Variants in TRIML2 observed in about 807,000 individuals in gnomAD.
The protein encoded by TRIML2 is tripartite motif family like 2.
In TRIML2, 28 loss-of-function variants were observed where a neutral mutation model predicts 31.2. That is an observed-to-expected ratio of 0.90 (90% CI 0.66 to 1.23). The LOEUF (loss-of-function observed/expected upper bound fraction) is 1.23. Ranked by LOEUF, TRIML2 falls within the 50% of genes most tolerant of loss-of-function variation. The pLI is 0.00. For missense variants in TRIML2, 536 were observed against 528.3 expected, an observed-to-expected ratio of 1.01 and a Z score of -0.14; for synonymous variants, 187 against 197.5, an observed-to-expected ratio of 0.95 and a Z score of 0.45.
intron 7 of TRIML2, among the ~76,000 whole-genome samples, chr4:188,096,090 T>C (rs1733495452): frequency 1.3e-5 from 2 of 152,216 alleles, no homozygotes. Flanking sequence ...TCATGTTTCA[T>C]GGCTGGGGAA....
In TRIML2 at chr4:188,099,027, C is replaced by T. The variant is rs758070352; in HGVS notation, c.621+8G>A. The T allele has an allele frequency of 6.2e-7, 1 of 1,613,840 alleles. No homozygotes were observed. The highest frequency in any genetic ancestry group is 1.1e-5 in the South Asian group (1 of 91,030). On this transcript the variant is annotated splice_region_variant and intron_variant, in intron 5 of 7. Transcript: ENST00000682553. The stretch of plus-strand genomic sequence containing the variant: ...ATGAATTTTATTTTCTTTTTCCCAG[C>T]ATCTTACCTTGAGCAATGCCAAGGT...
rs975898737 is a variant in TRIML2 at position 188,105,290 on chromosome 4, G to A, written c.79C>T (p.Arg27Trp). 6.2e-6 allele frequency: 10 copies of A among 1,612,258 alleles called. No homozygotes were observed. The highest frequency in any genetic ancestry group is 8.5e-6 in the Non-Finnish European group (10 of 1,178,510). The change falls in exon 2 of 8, where the codon CGG (arginine) becomes TGG (tryptophan). Residue 27 changes from arginine to tryptophan, a missense_variant. Arg to Trp is a moderately radical substitution (Grantham distance 101, BLOSUM62 -3). Coordinates refer to ENST00000682553, the MANE Select transcript of TRIML2 (RefSeq NM_173553.4). ...AYCETHLEPT[R>W]LFCDVDQITL... is the part of the protein sequence containing the mutation. ...ATTTGGTCAACATCACAGAACAGCCGTGTTGGTTCCAGGTGTGTTTCACAA... is the reference window on the plus strand; with the variant it reads ...ATTTGGTCAACATCACAGAACAGCCATGTTGGTTCCAGGTGTGTTTCACAA...
intron 5 of TRIML2, chr4:188,098,079 G>A (rs1341619843): frequency 6.8e-5 from 16 of 234,228 alleles, no homozygotes; most frequent in Non-Finnish European, 1.1e-4. Context: ...CCGAAATTGC[G>A]CCACTGCTCC....
intron 1 of TRIML2, among the ~76,000 whole-genome samples, chr4:188,107,081 C>A (rs1163393128): frequency 8.6e-6 from 1 of 116,536 alleles, no homozygotes; most frequent in Admixed American, 1.0e-4. Context: ...GTGGCACGAT[C>A]TCAGCTCACT....
intron 5 of TRIML2, 49 bp downstream of exon 5, chr4:188,098,985 AT>A: frequency 6.2e-7 from 1 of 1,607,358 alleles, no homozygotes; most frequent in Non-Finnish European, 8.5e-7. Context: ...TCCACTTCTC[AT>A]TTCTCAAATA....
intron 4 of TRIML2, 59 bp downstream of exon 4, chr4:188,100,997 T>C (rs1733760527): frequency 6.8e-6 from 10 of 1,472,736 alleles, no homozygotes; most frequent in Middle Eastern, 1.8e-4. Context: ...ATTGACATAA[T>C]GTTTAGCTCT....
intron 1 of TRIML2, 83 bp downstream of exon 1, chr4:188,109,160 A>ATG (rs1553996996): frequency 6.6e-6 from 1 of 151,660 alleles, no homozygotes; most frequent in South Asian, 2.1e-4. Flanking sequence ...ATACACACAC[A>ATG]CACACATAGA....
chr4:188,102,773 C>T (rs542123024), intron 3 of TRIML2, among the ~76,000 whole-genome samples: 77 of 149,128 alleles, frequency 5.2e-4, no homozygotes, highest in Middle Eastern at 7.1e-3. Flanking sequence ...TGCTTGAACC[C>T]GGGAGGCGGA....
At chr4:188,097,623 A>G (rs12502770) in intron 5 of TRIML2, among the ~76,000 whole-genome samples, 13,501 of 152,146 alleles carry the variant, frequency 0.089, 1,167 homozygotes, top group East Asian at 0.51. Flanking sequence ...AGACGGGAGC[A>G]TCTATCTGCT....
intron 3 of TRIML2, among the ~76,000 whole-genome samples, chr4:188,103,432 C>T (rs1474799760): frequency 2.6e-5 from 4 of 152,070 alleles, no homozygotes; most frequent in African/African-American, 9.7e-5. Context: ...TGAAGGCTGC[C>T]ACCCTAAATG....
chr4:188,098,594 T>C (rs1426221129), intron 5 of TRIML2: 1 of 190,236 alleles, frequency 5.3e-6, no homozygotes, highest in Admixed American at 5.4e-5. Context: ...AGAAAGTCTG[T>C]GAATGTTAGC....
At position 188,097,048 on chromosome 4, in the gene TRIML2, T is replaced by A. The variant is rs370883581; in HGVS notation, c.745+13A>T. The A allele has an allele frequency of 1.9e-6, 3 of 1,567,946 alleles. No individual in the cohort carries two copies. The highest frequency in any genetic ancestry group is 2.6e-6 in the Non-Finnish European group (3 of 1,138,308). Reference sequence around the variant, plus strand: ...GAACAGTGCCCTGTGAGTATTCACATGTGTCAACTTACTCTGGAGTACTCT... The same window carrying A: ...GAACAGTGCCCTGTGAGTATTCACAAGTGTCAACTTACTCTGGAGTACTCT... On this transcript the variant is annotated intron_variant, in intron 7 of 7. Coordinates refer to ENST00000682553, the MANE Select transcript of TRIML2 (RefSeq NM_173553.4).
At chr4:188,105,656 A>T (rs561235488) in intron 1 of TRIML2, 66 bp from the exon 2 acceptor site, 2 of 308,472 alleles carry the variant, frequency 6.5e-6, no homozygotes, top group African/African-American at 4.1e-5. Context: ...GTCTTCTGAC[A>T]ATCTTGAGCA....
At chr4:188,096,508 G>C (rs1211974213) in intron 7 of TRIML2, among the ~76,000 whole-genome samples, 1 of 109,758 alleles carries the variant, frequency 9.1e-6, no homozygotes, top group Admixed American at 1.1e-4. Context: ...CTCCAGCCTG[G>C]GCAAAGTGAA....
At chr4:188,100,107 A>T (rs1733706127) in intron 4 of TRIML2, among the ~76,000 whole-genome samples, 1 of 152,148 alleles carries the variant, frequency 6.6e-6, no homozygotes, top group African/African-American at 2.4e-5. Flanking sequence ...TAACATGCTG[A>T]AGAGTATTCT....
chr4:188,100,426 C>T (rs1274837762), intron 4 of TRIML2, among the ~76,000 whole-genome samples: 3 of 152,140 alleles, frequency 2.0e-5, no homozygotes, highest in African/African-American at 7.2e-5. Flanking sequence ...CATCCGGCTT[C>T]AAAGGTGAAT....
intron 1 of TRIML2, among the ~76,000 whole-genome samples, chr4:188,107,388 T>C (rs1433807119): frequency 6.6e-6 from 1 of 152,200 alleles, no homozygotes; most frequent in East Asian, 1.9e-4. Context: ...ATATTAACGC[T>C]CATAAACAAA....
At chr4:188,106,808 TGC>T (rs1407331535) in intron 1 of TRIML2, 4 of 247,224 alleles carry the variant, frequency 1.6e-5, no homozygotes, top group Non-Finnish European at 3.4e-5. Context: ...GTCAGACTCT[TGC>T]TAAGGTGGCC....
At chr4:188,100,733 G>C (rs907311175) in intron 4 of TRIML2, among the ~76,000 whole-genome samples, 1 of 151,962 alleles carries the variant, frequency 6.6e-6, no homozygotes, top group African/African-American at 2.4e-5. Flanking sequence ...AAAAAAGAAA[G>C]GTGAATTCTA....
Sources: allele counts gnomAD v4.1 joint callset (sites outside exome capture counted in the v4.1 genomes callset), GRCh38; gene constraint gnomAD v4.1.1; transcripts MANE v1.5; gene names NCBI Gene and HGNC (gene_info 2026-07-23, HGNC 2026-07-21).